The following UACA variants were observed in gnomAD, a reference collection of about 807,000 sequenced individuals.
UACA encodes uveal autoantigen with coiled-coil domains and ankyrin repeats, also known as nuclear membrane binding protein.
Under a neutral mutation model 160.5 loss-of-function variants are expected in UACA, and 112 were observed. The observed-to-expected ratio is 0.70, with a 90% CI of 0.60 to 0.82. UACA has a LOEUF of 0.82. Ranked by LOEUF, UACA falls within the 40% of genes least tolerant of loss-of-function variation. UACA has a pLI of 0.00. For synonymous variants in UACA, 557 were observed against 568.4 expected (o/e 0.98, Z 0.29); for missense variants, 1,574 against 1,614.6 (o/e 0.97, Z 0.43).
chr15:70,749,248 C>G (rs770621325), intron 1 of UACA: 39 of 440,758 alleles, frequency 8.8e-5, no homozygotes, highest in Non-Finnish European at 1.7e-4. Context: ...AAAACAGGGC[C>G]GGGCGCGGTG....
chr15:70,725,879 C>T lies in UACA; in HGVS notation c.79-26219G>A, dbSNP rs1899128855. 2.0e-5 allele frequency among the ~76,000 whole-genome samples: 3 copies of T among 152,146 alleles called. No homozygotes were observed. The South Asian group carries it at 6.2e-4, about 32-fold the overall frequency. ...GAAAGAACCTGAAATGTACCCAACA[C>T]ATAGAAATGATAAACACTGAGGTGA... On this transcript the variant is annotated intron_variant, in intron 1 of 18. Coordinates refer to ENST00000322954, the MANE Select transcript of UACA (RefSeq NM_018003.4).
At chr15:70,713,263 G>A (rs1898737698) in intron 1 of UACA, among the ~76,000 whole-genome samples, 1 of 152,180 alleles carries the variant, frequency 6.6e-6, no homozygotes, top group African/African-American at 2.4e-5. Flanking sequence ...AGGCAGAATG[G>A]CGCGAACCCA....
At chr15:70,757,416 T>C (rs777842945) in intron 1 of UACA, among the ~76,000 whole-genome samples, 7 of 152,198 alleles carry the variant, frequency 4.6e-5, no homozygotes, top group Non-Finnish European at 8.8e-5. Context: ...TCTAGATTCA[T>C]TAATTCATTA....
At chr15:70,764,047 C>A (rs2030938703), upstream of UACA, among the ~76,000 whole-genome samples, 1 of 152,174 alleles carries the variant, frequency 6.6e-6, no homozygotes, top group African/African-American at 2.4e-5. Context: ...ATCAAAAATT[C>A]CAGAAATAAA....
intron 1 of UACA, chr15:70,754,268 C>T: frequency 2.5e-6 from 1 of 403,214 alleles, no homozygotes; most frequent in Non-Finnish European, 4.9e-6. Flanking sequence ...GATTTTTTGA[C>T]TTTACAACAG....
At chr15:70,751,717 C>A (rs2030072280) in intron 1 of UACA, among the ~76,000 whole-genome samples, 1 of 152,174 alleles carries the variant, frequency 6.6e-6, no homozygotes, top group African/African-American at 2.4e-5. Flanking sequence ...CTAACCTGCA[C>A]CTTCATGCTG....
chr15:70,773,208 T>C, the UACA span, among the ~76,000 whole-genome samples: 1 of 152,052 alleles, frequency 6.6e-6, no homozygotes, highest in Admixed American at 6.6e-5. Flanking sequence ...CAAATACCAC[T>C]GAAAGATGGA....
chr15:70,749,246 G>T, intron 1 of UACA: 1 of 442,710 alleles, frequency 2.3e-6, no homozygotes, highest in African/African-American at 2.0e-5. Flanking sequence ...AGAAAACAGG[G>T]CCGGGCGCGG....
chr15:70,676,433 T>A (rs1195607905), intron 13 of UACA, 60 bp downstream of exon 13: 15 of 1,177,000 alleles, frequency 1.3e-5, no homozygotes, highest in Non-Finnish European at 1.8e-5. Flanking sequence ...TCAAGTCTGA[T>A]GCCAAGAGCC....
At chr15:70,764,697 C>T (rs192380517), upstream of UACA, among the ~76,000 whole-genome samples, 9 of 152,236 alleles carry the variant, frequency 5.9e-5, no homozygotes, top group African/African-American at 1.7e-4. Flanking sequence ...CTGTGTTAAC[C>T]CTATACAACA....
intron 1 of UACA, among the ~76,000 whole-genome samples, chr15:70,762,945 C>A (rs186739955): frequency 9.9e-4 from 151 of 152,182 alleles, no homozygotes; most frequent in Non-Finnish European, 1.8e-3. Flanking sequence ...CACGGCCGAG[C>A]GGGCGTGGGC....
chr15:70,743,003 G>A (rs1217985717), intron 1 of UACA, among the ~76,000 whole-genome samples: 2 of 152,174 alleles, frequency 1.3e-5, no homozygotes, highest in Non-Finnish European at 2.9e-5. Flanking sequence ...CTGGGTTCTT[G>A]TCTGGAAAAG....
intron 3 of UACA, among the ~76,000 whole-genome samples, chr15:70,691,576 A>T (rs1173055254): frequency 1.3e-5 from 2 of 152,196 alleles, no homozygotes; most frequent in Non-Finnish European, 2.9e-5. Context: ...AGAAAAACTA[A>T]TTATAGAAAT....
chr15:70,742,307 A>T (rs1025198824), intron 1 of UACA, among the ~76,000 whole-genome samples: 1 of 152,206 alleles, frequency 6.6e-6, no homozygotes. Context: ...TCCACACATC[A>T]TCTATTTTCA....
In UACA at chr15:70,668,499, G is replaced by A. The variant is rs1398223085; in HGVS notation, c.2185C>T (p.Leu729Phe). The A allele has an allele frequency of 1.9e-5, 31 of 1,611,368 alleles. No homozygotes were observed. The highest frequency in any genetic ancestry group is 2.5e-5 in the Non-Finnish European group (29 of 1,179,626). ...IEKVYLDNKL[L>F]KEQAHNLTIE... ...GTTAAGTTATGTGCTTGCTCCTTGA[G>A]GAGCTTATTATCCAAATAAACTTTT... is the stretch of plus-strand genomic sequence containing the variant. The change falls in exon 16 of 19, where the codon CTC (leucine) becomes TTC (phenylalanine). Residue 729 changes from leucine to phenylalanine, a missense_variant. Physicochemically the swap from Leu to Phe is conservative, Grantham distance 22 (BLOSUM62 0). Coordinates refer to ENST00000322954, the MANE Select transcript of UACA (RefSeq NM_018003.4).
At chr15:70,737,184 A>G (rs530601909) in intron 1 of UACA, among the ~76,000 whole-genome samples, 1 of 152,316 alleles carries the variant, frequency 6.6e-6, no homozygotes, top group East Asian at 1.9e-4. Context: ...GTTTGAAACC[A>G]AATGTCTTAG....
intron 1 of UACA, among the ~76,000 whole-genome samples, chr15:70,738,563 C>T (rs1380613016): frequency 6.6e-6 from 1 of 152,096 alleles, no homozygotes; most frequent in Non-Finnish European, 1.5e-5. Flanking sequence ...AGATCACTGA[C>T]AATAATCTCC....
At chr15:70,708,464 C>CT (rs1190953678) in intron 1 of UACA, among the ~76,000 whole-genome samples, 310 of 143,054 alleles carry the variant, frequency 2.2e-3, no homozygotes, top group Middle Eastern at 7.4e-3. Flanking sequence ...ACAATACTAT[C>CT]TTTTTTTTTT....
chr15:70,769,318 G>A, the UACA span, among the ~76,000 whole-genome samples: 22 of 116,208 alleles, frequency 1.9e-4, 1 homozygote, highest in East Asian at 5.1e-3. Context: ...CAGCCTGGGC[G>A]ACAGAGTGAG....
Sources: gnomAD v4.1 joint callset for allele counts (sites outside exome capture counted in the v4.1 genomes callset) on GRCh38, gnomAD v4.1.1 for gene constraint, MANE v1.5 for transcripts, NCBI Gene and HGNC (gene_info 2026-07-23, HGNC 2026-07-21) for gene names.